Variants in CNTNAP2 observed in about 807,000 individuals in gnomAD.
CNTNAP2 encodes the protein contactin-associated protein-like 2.
Under a neutral mutation model 155.2 loss-of-function variants are expected in CNTNAP2, and 98 were observed. That is an observed-to-expected ratio of 0.63 (90% CI 0.54 to 0.75). CNTNAP2 has a LOEUF of 0.75. Among genes scored for constraint, CNTNAP2 ranks in the 30% least tolerant of loss-of-function variants. The probability of loss-of-function intolerance (pLI) is 0.00; values close to 1 mark genes in which losing one functional copy is unlikely to be tolerated. For synonymous variants in CNTNAP2, 651 were observed against 631.2 expected (o/e 1.03, Z -0.47); for missense variants, 1,727 against 1,688.1 (o/e 1.02, Z -0.40).
Position 148,118,118 on chromosome 7 carries a change from G to T in CNTNAP2, c.2384G>T (p.Arg795Met). The change falls in exon 16 of 24, where the codon AGG (arginine) becomes ATG (methionine). Residue 795 changes from arginine to methionine, a missense_variant and splice_region_variant. Transcript: ENST00000361727. ...TGATTTTTTTGTTTTCTTCCCACAG[G>T]GAATTATTGGAATGCCGCCTCTTTC... Reference protein sequence around the residue: ...SVGPLRCQGDRNYWNAASFPN... With the variant: ...SVGPLRCQGDMNYWNAASFPN... 1 of 1,613,936 alleles carries T rather than the reference G, an allele frequency of 6.2e-7. No homozygotes were observed. Among genetic ancestry groups the T allele is most frequent in the Non-Finnish European group, 8.5e-7 (1 of 1,179,992 alleles).
rs1339814673 is a variant in CNTNAP2, at chr7:146,460,819, AT to A, written c.98-313451del. ...AATTGTGGATGTCAGTGTCTGGGGT[AT>A]AGGGCAGGGAATGGGGAGATACTGG... On this transcript the variant is annotated intron_variant, in intron 1 of 23. Transcript: ENST00000361727. Among the ~76,000 whole-genome samples the A allele has an allele frequency of 2.0e-5, 3 of 152,196 alleles. No homozygotes were observed. The East Asian group carries it at 5.8e-4, about 29-fold the overall frequency.
intron 1 of CNTNAP2, among the ~76,000 whole-genome samples, chr7:146,310,634 T>C (rs1800803463): frequency 6.6e-6 from 1 of 152,174 alleles, no homozygotes; most frequent in Non-Finnish European, 1.5e-5. Context: ...TTTTAATTGT[T>C]AATATATCTT....
chr7:147,618,679 CTATTATATATATATAATA>C (rs1563024208), intron 12 of CNTNAP2, among the ~76,000 whole-genome samples: 7,631 of 146,428 alleles, frequency 0.052, 563 homozygotes, highest in Admixed American at 0.15. Context: ...ATAATAACAG[CTATTATATATATATAATA>C]ACAGCTATTA....
chr7:146,631,990 C>T (rs1295153436), intron 1 of CNTNAP2, among the ~76,000 whole-genome samples: 6 of 152,092 alleles, frequency 3.9e-5, no homozygotes, highest in African/African-American at 1.4e-4. Flanking sequence ...TCATTTACTC[C>T]AACCATTCAT....
intron 4 of CNTNAP2, among the ~76,000 whole-genome samples, chr7:147,072,520 A>G (rs1799913273): frequency 6.6e-6 from 1 of 152,170 alleles, no homozygotes. Flanking sequence ...CTGTCACAGG[A>G]TATGACTGCA....
At position 148,172,276 on chromosome 7, in the gene CNTNAP2, C is replaced by T. The variant is rs765934389; in HGVS notation, c.2808C>T (p.Cys936=). The T allele has an allele frequency of 1.2e-6, 2 of 1,614,106 alleles. No homozygotes were observed. Among genetic ancestry groups the T allele is most frequent in the South Asian group, 1.1e-5 (1 of 91,084 alleles). Residue 936 remains cysteine, a synonymous_variant, in exon 18 of 24, where the codon TGC becomes TGT. Transcript: ENST00000361727. ...GAGGQQGFLG[C]IRSLRMNGVT... is the part of the protein sequence containing the mutation. Reference sequence around the variant, plus strand: ...GGGGCCAGCAGGGCTTCCTGGGCTGCATCCGCTCCTTGAGGATGAATGGGG... The same window carrying T: ...GGGGCCAGCAGGGCTTCCTGGGCTGTATCCGCTCCTTGAGGATGAATGGGG...
chr7:146,431,571 A>G (rs1366441985), intron 1 of CNTNAP2, among the ~76,000 whole-genome samples: 3 of 152,090 alleles, frequency 2.0e-5, no homozygotes, highest in Non-Finnish European at 2.9e-5. Context: ...GCATATTTCT[A>G]TATGCTTTAT....
At chr7:146,613,429 G>A (rs948939656) in intron 1 of CNTNAP2, among the ~76,000 whole-genome samples, 6 of 152,058 alleles carry the variant, frequency 3.9e-5, no homozygotes, top group Non-Finnish European at 5.9e-5. Context: ...GGTGATTTTT[G>A]ATTATAGTAA....
intron 8 of CNTNAP2, among the ~76,000 whole-genome samples, chr7:147,148,854 T>A (rs1195975962): frequency 2.0e-5 from 3 of 152,072 alleles, no homozygotes; most frequent in African/African-American, 7.2e-5. Context: ...CATCCAGAGT[T>A]GTTTGTTCCT....
chr7:146,674,339 T>C (rs1197838307), intron 1 of CNTNAP2, among the ~76,000 whole-genome samples: 2 of 152,162 alleles, frequency 1.3e-5, no homozygotes, highest in Non-Finnish European at 2.9e-5. Flanking sequence ...ACTTTCTTAG[T>C]AATATTTTGA....
intron 17 of CNTNAP2, among the ~76,000 whole-genome samples, chr7:148,168,671 C>A (rs554204665): frequency 3.9e-4 from 60 of 152,024 alleles, no homozygotes; most frequent in Non-Finnish European, 8.2e-4. Flanking sequence ...ATGTAACTAA[C>A]CTGCACGTTG....
chr7:148,396,506 A>T (rs1799470803), intron 22 of CNTNAP2, among the ~76,000 whole-genome samples: 1 of 152,200 alleles, frequency 6.6e-6, no homozygotes, highest in Non-Finnish European at 1.5e-5. Context: ...GAATTCTCAC[A>T]GGGGAATCTC....
intron 13 of CNTNAP2, among the ~76,000 whole-genome samples, chr7:147,831,304 A>G (rs1798541362): frequency 6.6e-6 from 1 of 152,216 alleles, no homozygotes; most frequent in Admixed American, 6.5e-5. Context: ...TGAGACACTA[A>G]AAATAATTAT....
chr7:148,221,003 C>G (rs944903283), intron 19 of CNTNAP2, among the ~76,000 whole-genome samples: 1 of 152,154 alleles, frequency 6.6e-6, no homozygotes, highest in African/African-American at 2.4e-5. Context: ...CCCACACATA[C>G]TTTTATTGTC....
At chr7:148,242,640 G>A (rs905306966) in intron 20 of CNTNAP2, among the ~76,000 whole-genome samples, 2 of 152,192 alleles carry the variant, frequency 1.3e-5, no homozygotes, top group African/African-American at 4.8e-5. Flanking sequence ...AGAAATGGAA[G>A]CTTGCCGTTG....
chr7:147,412,288 C>G (rs973185898), intron 10 of CNTNAP2, among the ~76,000 whole-genome samples: 4 of 152,192 alleles, frequency 2.6e-5, no homozygotes, highest in African/African-American at 4.8e-5. Flanking sequence ...GGCCTGTGCT[C>G]AGTGCCTCAG....
At chr7:147,457,841 A>T (rs1797947681) in intron 10 of CNTNAP2, among the ~76,000 whole-genome samples, 2 of 60,038 alleles carry the variant, frequency 3.3e-5, no homozygotes, top group South Asian at 9.4e-4. Flanking sequence ...CAATGAATCA[A>T]CAAAAAAAAA....
chr7:146,969,160 A>C (rs927805860), intron 3 of CNTNAP2, among the ~76,000 whole-genome samples: 1 of 151,860 alleles, frequency 6.6e-6, no homozygotes, highest in Non-Finnish European at 1.5e-5. Flanking sequence ...GTTTGATTGC[A>C]CTGTGGTCTG....
intron 12 of CNTNAP2, among the ~76,000 whole-genome samples, chr7:147,621,771 T>C (rs557590583): frequency 3.9e-5 from 6 of 152,002 alleles, no homozygotes; most frequent in African/African-American, 1.4e-4. Context: ...AAGAGTAACT[T>C]CTTACTTATC....
Sources: allele counts gnomAD v4.1 joint callset (sites outside exome capture counted in the v4.1 genomes callset), GRCh38; gene constraint gnomAD v4.1.1; transcripts MANE v1.5; gene names NCBI Gene and HGNC (gene_info 2026-07-23, HGNC 2026-07-21).